Variants in MPDZ observed in about 807,000 individuals in gnomAD.
MPDZ encodes multiple PDZ domain crumbs cell polarity complex component.
In MPDZ, 234 loss-of-function variants were observed where a neutral mutation model predicts 239.1. That is an observed-to-expected ratio of 0.98 (90% CI 0.88 to 1.09). The LOEUF (loss-of-function observed/expected upper bound fraction) is 1.09, where lower values mean the gene tolerates loss of function less well. Ranked by LOEUF, MPDZ falls within the 50% of genes least tolerant of loss-of-function variation. The pLI, the probability that MPDZ is intolerant of heterozygous loss-of-function variation, is 0.00. For missense variants in MPDZ, 3,175 were observed against 2,510.0 expected (o/e 1.26, Z -5.66); for synonymous variants, 1,048 against 881.3 (o/e 1.19, Z -3.35).
intron 1 of MPDZ, among the ~76,000 whole-genome samples, chr9:13,260,000 AT>A (rs113820106): frequency 1.3e-3 from 193 of 143,844 alleles, no homozygotes; most frequent in Middle Eastern, 3.8e-3. Flanking sequence ...CGCCCGGCTA[AT>A]TTTTTTTTTT....
chr9:13,186,483 G>T, intron 17 of MPDZ, 97 bp from the exon 18 acceptor site: 1 of 805,738 alleles, frequency 1.2e-6, no homozygotes. Flanking sequence ...TGAGGGGGGC[G>T]AGAAGAGAAA....
intron 3 of MPDZ, among the ~76,000 whole-genome samples, chr9:13,230,165 A>G (rs1476131678): frequency 6.6e-6 from 1 of 152,190 alleles, no homozygotes; most frequent in Non-Finnish European, 1.5e-5. Context: ...CAGAATGGTG[A>G]GGATGTAGAG....
At chr9:13,203,773 C>CACAGAG (rs1400930663) in intron 12 of MPDZ, among the ~76,000 whole-genome samples, 9 of 125,630 alleles carry the variant, frequency 7.2e-5, no homozygotes, top group African/African-American at 2.6e-4. Flanking sequence ...CACACACACA[C>CACAGAG]AGAGAGAGAA....
At chr9:13,113,841 G>C (rs552416676) in intron 41 of MPDZ, 90 bp downstream of exon 41, 2 of 989,286 alleles carry the variant, frequency 2.0e-6, no homozygotes, top group Admixed American at 2.1e-5. Flanking sequence ...GATGATTTGG[G>C]GGAAAAGAAA....
At chr9:13,205,422 A>T (rs1270973975) in intron 11 of MPDZ, among the ~76,000 whole-genome samples, 1 of 152,180 alleles carries the variant, frequency 6.6e-6, no homozygotes, top group Non-Finnish European at 1.5e-5. Flanking sequence ...CCTGAGCTAC[A>T]CAGGGGTTTC....
At chr9:13,250,150 A>C (rs1286626270) in intron 2 of MPDZ, 150 bp downstream of exon 2, 8 of 590,158 alleles carry the variant, frequency 1.4e-5, no homozygotes, top group Non-Finnish European at 2.3e-5. Flanking sequence ...ACAGAAACAT[A>C]TTACCTTAAT....
intron 3 of MPDZ, among the ~76,000 whole-genome samples, chr9:13,236,916 A>T (rs778293024): frequency 2.4e-4 from 36 of 151,906 alleles, no homozygotes; most frequent in Non-Finnish European, 4.3e-4. Flanking sequence ...TATTTTTTCA[A>T]ATACGTTTGA....
At chr9:13,162,129 T>C (rs1236091563) in intron 23 of MPDZ, among the ~76,000 whole-genome samples, 1 of 152,032 alleles carries the variant, frequency 6.6e-6, no homozygotes, top group Non-Finnish European at 1.5e-5. Flanking sequence ...CCTGATGTGG[T>C]GGCACACACC....
intron 35 of MPDZ, among the ~76,000 whole-genome samples, chr9:13,124,736 A>G (rs905563804): frequency 2.6e-5 from 4 of 152,190 alleles, no homozygotes; most frequent in African/African-American, 7.2e-5. Flanking sequence ...AGTTTCTTAC[A>G]GTGGCAGGCA....
At chr9:13,121,380 T>A (rs1271429710) in intron 38 of MPDZ, among the ~76,000 whole-genome samples, 1 of 152,214 alleles carries the variant, frequency 6.6e-6, no homozygotes, top group Non-Finnish European at 1.5e-5. Flanking sequence ...CATCAATAGA[T>A]TCCTTTGTTG....
chr9:13,238,840 T>C (rs1964708334), intron 3 of MPDZ, among the ~76,000 whole-genome samples: 1 of 152,184 alleles, frequency 6.6e-6, no homozygotes, highest in Non-Finnish European at 1.5e-5. Context: ...TATTCTGCTA[T>C]TAAGCTGCAC....
chr9:13,142,015 T>C (rs1474483615), intron 27 of MPDZ, among the ~76,000 whole-genome samples: 1 of 152,102 alleles, frequency 6.6e-6, no homozygotes. Flanking sequence ...TCAAGTTTCA[T>C]TATCATAGTA....
intron 3 of MPDZ, among the ~76,000 whole-genome samples, chr9:13,246,800 T>G (rs1217867148): frequency 6.6e-6 from 1 of 152,190 alleles, no homozygotes; most frequent in Non-Finnish European, 1.5e-5. Flanking sequence ...TGCTAGCAAG[T>G]CATCTATAAC....
intron 46 of MPDZ, among the ~76,000 whole-genome samples, chr9:13,107,980 C>T (rs549302275): frequency 1.8e-4 from 28 of 151,886 alleles, no homozygotes; most frequent in Non-Finnish European, 3.7e-4. Context: ...TTGGACATAC[C>T]GATAGCTTTT....
chr9:13,120,427 T>C (rs1944166141), intron 38 of MPDZ: 1 of 152,352 alleles, frequency 6.6e-6, no homozygotes, highest in Middle Eastern at 3.4e-3. Flanking sequence ...GGTCTTTGTA[T>C]GGTCTTCCCA....
chr9:13,205,113 A>T lies in MPDZ; in HGVS notation c.1475-6T>A. ...TTCATCTTTTTCATAATTTTCTTAAAGATAAAAATATTTTAGTAATTTTAT... is the reference window on the plus strand; with the variant it reads ...TTCATCTTTTTCATAATTTTCTTAATGATAAAAATATTTTAGTAATTTTAT... On this transcript the variant is annotated splice_polypyrimidine_tract_variant and splice_region_variant and intron_variant, in intron 11 of 46. Coordinates refer to ENST00000319217, the MANE Select transcript of MPDZ (RefSeq NM_001378778.1). 1 of 1,358,136 alleles carries T rather than the reference A, an allele frequency of 7.4e-7. No homozygotes were observed. Among genetic ancestry groups the T allele is most frequent in the South Asian group, 1.6e-5 (1 of 61,940 alleles). 84.1% of individuals were successfully genotyped at this position (1,358,136 alleles called of 1,614,324 possible).
chr9:13,226,723 C>A (rs184240387), intron 3 of MPDZ, among the ~76,000 whole-genome samples: 1 of 152,256 alleles, frequency 6.6e-6, no homozygotes, highest in African/African-American at 2.4e-5. Context: ...GCTTTCATCC[C>A]AGTCAGTGGA....
At chr9:13,208,663 T>C (rs912262237) in intron 10 of MPDZ, among the ~76,000 whole-genome samples, 1 of 149,414 alleles carries the variant, frequency 6.7e-6, no homozygotes, top group South Asian at 2.1e-4. Flanking sequence ...TAAGTTTATA[T>C]AGGATATATA....
intron 1 of MPDZ, among the ~76,000 whole-genome samples, chr9:13,266,827 G>C (rs908509810): frequency 2.0e-5 from 3 of 152,108 alleles, no homozygotes; most frequent in African/African-American, 7.2e-5. Flanking sequence ...TCAAGGATTT[G>C]GGGGCAGAGA....
Sources: gnomAD v4.1 joint callset for allele counts (sites outside exome capture counted in the v4.1 genomes callset) on GRCh38, gnomAD v4.1.1 for gene constraint, MANE v1.5 for transcripts, NCBI Gene and HGNC (gene_info 2026-07-23, HGNC 2026-07-21) for gene names.